NELL1: variants seen among roughly 807,000 people sequenced by gnomAD.
The protein encoded by NELL1 is protein kinase C-binding protein NELL1.
NELL1 carries 76 observed loss-of-function variants against 107.4 expected under a neutral mutation model. The observed-to-expected ratio is 0.71, with a 90% CI of 0.59 to 0.86. NELL1 has a LOEUF of 0.86. Among genes scored for constraint, NELL1 ranks in the 40% least tolerant of loss-of-function variants. The pLI, the probability that NELL1 is intolerant of heterozygous loss-of-function variation, is 0.00. For missense variants in NELL1, 1,024 were observed against 1,005.5 expected, an observed-to-expected ratio of 1.02 and a Z score of -0.25; for synonymous variants, 353 against 341.2, an observed-to-expected ratio of 1.03 and a Z score of -0.38.
chr11:20,732,192 C>T (rs1171122652), intron 2 of NELL1, among the ~76,000 whole-genome samples: 1 of 152,002 alleles, frequency 6.6e-6, no homozygotes, highest in African/African-American at 2.4e-5. Context: ...TACACTGGGC[C>T]CACTTGCTAC....
intron 14 of NELL1, among the ~76,000 whole-genome samples, chr11:21,266,853 C>A (rs1590787119): frequency 6.6e-6 from 1 of 152,174 alleles, no homozygotes; most frequent in East Asian, 1.9e-4. Context: ...AGACTCACCT[C>A]AAATTTACCA....
intron 12 of NELL1, among the ~76,000 whole-genome samples, chr11:20,967,744 C>G (rs76786986): frequency 0.02 from 3,017 of 152,258 alleles, 111 homozygotes; most frequent in African/African-American, 0.069. Flanking sequence ...CATAGTCCAT[C>G]TTCAAACATA....
chr11:20,756,716 G>A (rs942923482), intron 2 of NELL1, among the ~76,000 whole-genome samples: 1 of 151,698 alleles, frequency 6.6e-6, no homozygotes, highest in African/African-American at 2.4e-5. Flanking sequence ...ACAGCATCCC[G>A]GGCCTCCACC....
chr11:20,722,462 C>T (rs148179509), intron 2 of NELL1, among the ~76,000 whole-genome samples: 1 of 152,280 alleles, frequency 6.6e-6, no homozygotes, highest in East Asian at 1.9e-4. Context: ...TCATCTGTCA[C>T]ATTGAGATAA....
intron 12 of NELL1, among the ~76,000 whole-genome samples, chr11:21,033,687 T>C (rs1249832045): frequency 1.3e-5 from 2 of 152,194 alleles, no homozygotes. Flanking sequence ...TTGAAAATAG[T>C]GCTGCAATGA....
At chr11:20,719,422 AC>A (rs1229370068) in intron 2 of NELL1, among the ~76,000 whole-genome samples, 67 of 658 alleles carry the variant, frequency 0.1, no homozygotes, top group Admixed American at 0.15. Flanking sequence ...TATTAAAAAC[AC>A]ACACACACAC....
At chr11:21,214,622 C>T (rs2133864520) in intron 13 of NELL1, among the ~76,000 whole-genome samples, 1 of 152,240 alleles carries the variant, frequency 6.6e-6, no homozygotes, top group South Asian at 2.1e-4. Context: ...TCTAGAAAAT[C>T]ATTTGGTAGT....
intron 14 of NELL1, among the ~76,000 whole-genome samples, chr11:21,274,051 G>A (rs1225658063): frequency 7.2e-5 from 11 of 152,102 alleles, no homozygotes; most frequent in South Asian, 2.1e-4. Flanking sequence ...CACACATAAC[G>A]ATATTAACCT....
At chr11:20,806,005 T>G (rs1167777203) in intron 3 of NELL1, among the ~76,000 whole-genome samples, 1 of 152,210 alleles carries the variant, frequency 6.6e-6, no homozygotes, top group Non-Finnish European at 1.5e-5. Flanking sequence ...TTTTTCTACT[T>G]AAATTATAAG....
intron 15 of NELL1, among the ~76,000 whole-genome samples, chr11:21,444,632 G>T (rs1162062084): frequency 2.0e-5 from 3 of 151,976 alleles, no homozygotes; most frequent in Non-Finnish European, 4.4e-5. Flanking sequence ...TACTTACGGG[G>T]TATATGGAAT....
At chr11:21,541,056 A>G (rs553287439) in intron 16 of NELL1, among the ~76,000 whole-genome samples, 29 of 152,190 alleles carry the variant, frequency 1.9e-4, no homozygotes, top group South Asian at 6.2e-4. Context: ...TTTATCACCT[A>G]CAGTACAATT....
chr11:20,745,067 C>A (rs1353920457), intron 2 of NELL1, among the ~76,000 whole-genome samples: 5 of 152,052 alleles, frequency 3.3e-5, no homozygotes, highest in African/African-American at 1.2e-4. Flanking sequence ...TTTTTTGAAA[C>A]CAGGTATCAC....
At chr11:20,715,097 T>C (rs895506360) in intron 2 of NELL1, among the ~76,000 whole-genome samples, 26 of 151,908 alleles carry the variant, frequency 1.7e-4, no homozygotes, top group African/African-American at 5.8e-4. Flanking sequence ...AAAAAAAAAT[T>C]AGCTGGGCGT....
intron 3 of NELL1, among the ~76,000 whole-genome samples, chr11:20,813,030 A>C (rs1259683857): frequency 1.4e-5 from 2 of 143,804 alleles, no homozygotes; most frequent in East Asian, 1.9e-4. Flanking sequence ...AAAAAAAAAA[A>C]AAAAAAAAAA....
intron 9 of NELL1, among the ~76,000 whole-genome samples, chr11:20,932,207 C>T (rs1850632884): frequency 2.6e-5 from 4 of 151,842 alleles, no homozygotes; most frequent in African/African-American, 9.7e-5. Flanking sequence ...GTTTCCAGGG[C>T]TCCACCTAGA....
chr11:21,375,280 C>G (rs143939822), intron 15 of NELL1, among the ~76,000 whole-genome samples: 1 of 152,192 alleles, frequency 6.6e-6, no homozygotes, highest in Non-Finnish European at 1.5e-5. Flanking sequence ...GCTTCGCTCC[C>G]ACTTATTAGT....
At chr11:21,002,740 A>C (rs577447668) in intron 12 of NELL1, among the ~76,000 whole-genome samples, 1 of 152,136 alleles carries the variant, frequency 6.6e-6, no homozygotes, top group Non-Finnish European at 1.5e-5. Context: ...TCCTCTTCTT[A>C]TAAGTCACCT....
At position 20,854,333 on chromosome 11, in the gene NELL1, C is replaced by A. The variant is rs1046888777; in HGVS notation, c.506+6580C>A. Among the ~76,000 whole-genome samples, 6 of 152,236 alleles carry A rather than the reference C, an allele frequency of 3.9e-5. No homozygotes were observed. In the South Asian group the frequency reaches 6.2e-4, roughly 16 times the overall value. The stretch of plus-strand genomic sequence containing the variant: ...ACTAGATGACTTTTAAGTCTTCTTC[C>A]ACCTCTACCCTTCTGGGTGTACCTC... On this transcript the variant is annotated intron_variant, in intron 4 of 19. Transcript: ENST00000357134.
intron 14 of NELL1, among the ~76,000 whole-genome samples, chr11:21,324,650 C>G (rs1850088879): frequency 6.6e-6 from 1 of 151,986 alleles, no homozygotes; most frequent in Admixed American, 6.6e-5. Flanking sequence ...TTAGTAAGTA[C>G]AAAGGCTGCT....
Sources: allele counts gnomAD v4.1 joint callset (sites outside exome capture counted in the v4.1 genomes callset), GRCh38; gene constraint gnomAD v4.1.1; transcripts MANE v1.5; gene names NCBI Gene and HGNC (gene_info 2026-07-23, HGNC 2026-07-21).